SH3PXD2A: variants seen among roughly 807,000 people sequenced by gnomAD.
SH3PXD2A encodes the protein SH3 and PX domain-containing protein 2A.
In SH3PXD2A, 32 loss-of-function variants were observed where a neutral mutation model predicts 115.2. The ratio of observed to expected loss-of-function variants is 0.28; its 90% CI spans 0.21 to 0.37. The LOEUF is 0.37. Among genes scored for constraint, SH3PXD2A ranks in the 10% least tolerant of loss-of-function variants. The pLI is 1.00. For missense variants in SH3PXD2A, 1,328 were observed against 1,498.7 expected, an observed-to-expected ratio of 0.89 and a Z score of 1.88; for synonymous variants, 610 against 629.1, an observed-to-expected ratio of 0.97 and a Z score of 0.45.
At chr10:103,702,600 T>C (rs935130555) in intron 5 of SH3PXD2A, among the ~76,000 whole-genome samples, 1 of 150,346 alleles carries the variant, frequency 6.7e-6, no homozygotes, top group African/African-American at 2.5e-5. Flanking sequence ...TGTGTGCGTG[T>C]GTGTGTGTGT....
At chr10:103,757,462 A>C (rs1009907248) in intron 3 of SH3PXD2A, among the ~76,000 whole-genome samples, 2 of 152,158 alleles carry the variant, frequency 1.3e-5, no homozygotes, top group African/African-American at 4.8e-5. Flanking sequence ...CCTAGGATAC[A>C]ATCCATCCAG....
chr10:103,688,429 A>G (rs1271457024), intron 6 of SH3PXD2A, among the ~76,000 whole-genome samples: 2 of 152,142 alleles, frequency 1.3e-5, no homozygotes, highest in Non-Finnish European at 2.9e-5. Context: ...AAGCAAACAC[A>G]CAGGATCACT....
At chr10:103,696,577 A>G (rs1180922751) in intron 5 of SH3PXD2A, among the ~76,000 whole-genome samples, 1 of 151,716 alleles carries the variant, frequency 6.6e-6, no homozygotes, top group African/African-American at 2.4e-5. Context: ...GACAGCCCCC[A>G]CCCTGCCGGT....
intron 5 of SH3PXD2A, among the ~76,000 whole-genome samples, chr10:103,702,936 G>A (rs11191774): frequency 0.16 from 24,523 of 152,166 alleles, 2,285 homozygotes; most frequent in East Asian, 0.24. Flanking sequence ...TCTGTGTCAC[G>A]TGTGTGTATG....
chr10:103,668,888 T>A (rs2037421332), intron 6 of SH3PXD2A, among the ~76,000 whole-genome samples: 1 of 152,178 alleles, frequency 6.6e-6, no homozygotes. Flanking sequence ...TAATGAGGTG[T>A]CCGCCGAAAT....
Position 103,601,782 on chromosome 10 carries a change from G to C in SH3PXD2A, c.*34C>G. On this transcript the variant is annotated 3_prime_UTR_variant, in exon 15 of 15. Transcript: ENST00000369774. ...CGCTCATCCAGTGGGCGGCCAGAGA[G>C]GCACACTGAGGCTGGAAGAGCCCAG... 7.0e-7 allele frequency: 1 copy of C among 1,423,046 alleles called. No homozygotes were observed. The allele number at this position is 1,423,046 out of a possible 1,614,324, so 88.2% of individuals were successfully genotyped here.
intron 2 of SH3PXD2A, among the ~76,000 whole-genome samples, chr10:103,781,657 A>T (rs1425009827): frequency 6.6e-6 from 1 of 152,240 alleles, no homozygotes; most frequent in Non-Finnish European, 1.5e-5. Context: ...GTCAGGCATT[A>T]CATTCCCTGC....
intron 3 of SH3PXD2A, among the ~76,000 whole-genome samples, chr10:103,742,005 C>T (rs796357841): frequency 5.9e-5 from 9 of 152,190 alleles, no homozygotes; most frequent in African/African-American, 2.2e-4. Flanking sequence ...AAAAATCAGC[C>T]GGGCATGGTG....
At chr10:103,606,972 G>C (rs1288009189) in intron 13 of SH3PXD2A, among the ~76,000 whole-genome samples, 1 of 150,034 alleles carries the variant, frequency 6.7e-6, no homozygotes, top group Non-Finnish European at 1.5e-5. Flanking sequence ...TGGGATGTGA[G>C]GAGCCCCTCT....
intron 1 of SH3PXD2A, among the ~76,000 whole-genome samples, chr10:103,851,116 C>T (rs923498036): frequency 3.4e-5 from 5 of 146,624 alleles, no homozygotes; most frequent in African/African-American, 1.3e-4. Flanking sequence ...ATTCTCATTC[C>T]TGTGGGGCTG....
chr10:103,610,682 G>A (rs567248475), intron 13 of SH3PXD2A, among the ~76,000 whole-genome samples: 1 of 152,292 alleles, frequency 6.6e-6, no homozygotes, highest in South Asian at 2.1e-4. Context: ...GCACCAGGTA[G>A]TATTACCAAG....
At chr10:103,634,647 C>T (rs2036837854) in intron 8 of SH3PXD2A, among the ~76,000 whole-genome samples, 1 of 152,186 alleles carries the variant, frequency 6.6e-6, no homozygotes, top group African/African-American at 2.4e-5. Flanking sequence ...AGAATGGACA[C>T]ATCTCTGAGC....
chr10:103,640,497 T>C (rs1471805694), intron 8 of SH3PXD2A, among the ~76,000 whole-genome samples: 1 of 151,950 alleles, frequency 6.6e-6, no homozygotes, highest in Admixed American at 6.6e-5. Context: ...AGGGACAGCA[T>C]GGACAGGCTG....
intron 8 of SH3PXD2A, among the ~76,000 whole-genome samples, chr10:103,645,613 C>A (rs2037024083): frequency 1.3e-5 from 2 of 152,168 alleles, no homozygotes; most frequent in African/African-American, 2.4e-5. Flanking sequence ...GGAGGCCCCA[C>A]AGGCTAATCA....
intron 3 of SH3PXD2A, among the ~76,000 whole-genome samples, chr10:103,765,132 A>T (rs2038740307): frequency 6.6e-6 from 1 of 152,158 alleles, no homozygotes; most frequent in South Asian, 2.1e-4. Context: ...AGAGAAGCTA[A>T]TGCAACTTCT....
intron 8 of SH3PXD2A, among the ~76,000 whole-genome samples, chr10:103,640,343 C>A (rs2036935737): frequency 1.3e-5 from 2 of 151,460 alleles, no homozygotes; most frequent in Admixed American, 1.3e-4. Context: ...AAAGAAAGAG[C>A]TAAGTCTCTT....
At chr10:103,712,008 T>G (rs997941171) in intron 5 of SH3PXD2A, among the ~76,000 whole-genome samples, 2 of 151,548 alleles carry the variant, frequency 1.3e-5, no homozygotes, top group African/African-American at 4.9e-5. Context: ...ATTGTGCCAC[T>G]GAGCTCCAGC....
chr10:103,744,750 A>C (rs1452702526), intron 3 of SH3PXD2A, among the ~76,000 whole-genome samples: 2 of 152,234 alleles, frequency 1.3e-5, no homozygotes, highest in Non-Finnish European at 2.9e-5. Context: ...GGTTCCGGAA[A>C]GACACAATCC....
At chr10:103,836,943 G>C (rs1430431376) in intron 1 of SH3PXD2A, among the ~76,000 whole-genome samples, 1 of 152,144 alleles carries the variant, frequency 6.6e-6, no homozygotes, top group African/African-American at 2.4e-5. Context: ...CGTTTCCTTA[G>C]ACACTTACTG....
Sources: gnomAD v4.1 joint callset for allele counts (sites outside exome capture counted in the v4.1 genomes callset) on GRCh38, gnomAD v4.1.1 for gene constraint, MANE v1.5 for transcripts, NCBI Gene and HGNC (gene_info 2026-07-23, HGNC 2026-07-21) for gene names.